ERP29: variants seen among roughly 807,000 people sequenced by gnomAD.
ERP29 encodes endoplasmic reticulum protein 29, also known as endoplasmic reticulum resident protein 29.
Under a neutral mutation model 21.7 loss-of-function variants are expected in ERP29, and 14 were observed. The observed-to-expected ratio is 0.64, with a 90% CI of 0.43 to 1.01. ERP29 has a LOEUF of 1.01. Among genes scored for constraint, ERP29 ranks in the 50% least tolerant of loss-of-function variants. The probability of loss-of-function intolerance (pLI) is 0.00; values close to 1 mark genes in which losing one functional copy is unlikely to be tolerated. For missense variants in ERP29, 286 were observed against 327.3 expected (o/e 0.87, Z 0.97); for synonymous variants, 129 against 139.1 (o/e 0.93, Z 0.51).
At chr12:112,013,661 A>G (rs1441381419) in intron 1 of ERP29, 52 bp downstream of exon 1, 1 of 1,489,170 alleles carries the variant, frequency 6.7e-7, no homozygotes. Flanking sequence ...CGCCCGGAAG[A>G]GCGCGCGCCC....
intron 2 of ERP29, 32 bp from the exon 3 acceptor site, chr12:112,022,117 GT>G: frequency 6.2e-7 from 1 of 1,610,588 alleles, no homozygotes; most frequent in Non-Finnish European, 8.5e-7. Context: ...GTTCCTTATG[GT>G]CTTGCTTTTT....
intron 2 of ERP29, among the ~76,000 whole-genome samples, chr12:112,020,965 C>A (rs975898118): frequency 1.3e-5 from 2 of 152,198 alleles, no homozygotes; most frequent in African/African-American, 4.8e-5. Flanking sequence ...AGTACTACCA[C>A]TACTAGTAGT....
intron 1 of ERP29, among the ~76,000 whole-genome samples, chr12:112,017,783 C>CTTTTTT (rs1179680378): frequency 4.8e-5 from 6 of 124,134 alleles, no homozygotes; most frequent in Non-Finnish European, 8.3e-5. Context: ...CTTTTTTTTT[C>CTTTTTT]TTTTTTTTTT....
chr12:112,022,396 G>A lies in ERP29; in HGVS notation c.530G>A (p.Arg177His), dbSNP rs367904459. ...EFIRASGVEA[R>H]QALLKQGQDN... is the part of the protein sequence containing the mutation. ...ATCAGGGCCTCTGGTGTGGAGGCCC[G>A]CCAGGCCCTCTTGAAGCAGGGGCAA... is the stretch of plus-strand genomic sequence containing the variant. Residue 177 changes from arginine to histidine, a missense_variant, in exon 3 of 3, where the codon CGC becomes CAC. By Grantham distance (29) the Arg-to-His change is conservative. Coordinates refer to ENST00000261735, the MANE Select transcript of ERP29 (RefSeq NM_006817.4). The A allele has an allele frequency of 1.2e-5, 20 of 1,614,034 alleles. No individual in the cohort carries two copies. The highest frequency in any genetic ancestry group is 2.7e-5 in the African/African-American group (2 of 74,912).
chr12:112,019,504 G>A (rs1007787549), intron 1 of ERP29: 1 of 508,452 alleles, frequency 2.0e-6, no homozygotes, highest in Middle Eastern at 5.5e-4. Flanking sequence ...CTGCAGCCTT[G>A]TTTATTCTGG....
chr12:112,022,702 G>A lies in ERP29; in HGVS notation c.*50G>A. On this transcript the variant is annotated 3_prime_UTR_variant, in exon 3 of 3. Transcript: ENST00000261735. The stretch of plus-strand genomic sequence containing the variant: ...GTTTGGTGGGGGTAGGGAGGGGAGA[G>A]TTAACCTGCTGGCTGTGAGTCCCTT... The A allele has an allele frequency of 6.5e-7, 1 of 1,537,920 alleles. No individual in the cohort carries two copies. The highest frequency in any genetic ancestry group is 8.7e-7 in the Non-Finnish European group (1 of 1,144,824).
At position 112,013,476 on chromosome 12, in the gene ERP29, C is replaced by T. The variant is rs1460610600; in HGVS notation, c.11C>T (p.Ala4Val). MAA[A>V]VPRAAFLSPL... ...CAGGAACCCGGCGATATGGCTGCCG[C>T]TGTGCCCCGCGCCGCATTTCTCTCC... The change falls in exon 1 of 3, where the codon GCT becomes GTT. Residue 4 changes from alanine to valine, a missense_variant. Transcript: ENST00000261735. The T allele has an allele frequency of 6.2e-7, 1 of 1,612,226 alleles. No individual in the cohort carries two copies. The highest frequency in any genetic ancestry group is 2.2e-5 in the East Asian group (1 of 44,750).
At chr12:112,016,845 G>A (rs1379339094) in intron 1 of ERP29, among the ~76,000 whole-genome samples, 1 of 151,758 alleles carries the variant, frequency 6.6e-6, no homozygotes, top group African/African-American at 2.4e-5. Flanking sequence ...AGCTGAGATG[G>A]CACCACTGCA....
At position 112,013,868 on chromosome 12, in the gene ERP29, G is replaced by C. The variant is rs2077967570; in HGVS notation, c.144+259G>C. 1.3e-5 allele frequency among the ~76,000 whole-genome samples: 2 copies of C among 152,258 alleles called. 1 individual carries two copies. The highest frequency in any genetic ancestry group is 4.1e-4 in the South Asian group (2 of 4,834). ...CATCCACCCTTGCAAAGATGCAGCC[G>C]AGGGAACTGGGTGCCCCTTCCCTTC... On this transcript the variant is annotated intron_variant, in intron 1 of 2. Transcript: ENST00000261735.
At chr12:112,018,221 C>T (rs768376997) in intron 1 of ERP29, among the ~76,000 whole-genome samples, 5 of 152,030 alleles carry the variant, frequency 3.3e-5, no homozygotes, top group African/African-American at 1.2e-4. Context: ...TCATAGCTCA[C>T]TATAACCTCT....
At chr12:112,021,244 TC>T (rs59289589) in intron 2 of ERP29, among the ~76,000 whole-genome samples, 12,577 of 152,200 alleles carry the variant, frequency 0.083, 1,718 homozygotes, top group East Asian at 0.61. Flanking sequence ...TCCTGAAATT[TC>T]CTGAGCTTAG....
At chr12:112,017,909 C>T (rs552955366) in intron 1 of ERP29, among the ~76,000 whole-genome samples, 11 of 151,390 alleles carry the variant, frequency 7.3e-5, no homozygotes, top group African/African-American at 2.4e-4. Flanking sequence ...CTCAGCCTCC[C>T]GAGTAGATGG....
chr12:112,013,459 C>G lies in ERP29; in HGVS notation c.-7C>G, dbSNP rs1377353453. ...TTACCTACCTCCCTCTGCAGGAACC[C>G]GGCGATATGGCTGCCGCTGTGCCCC... On this transcript the variant is annotated 5_prime_UTR_variant, in exon 1 of 3. Transcript: ENST00000261735. 6.2e-6 allele frequency: 10 copies of G among 1,608,274 alleles called. No homozygotes were observed. Among genetic ancestry groups the G allele is most frequent in the Non-Finnish European group, 8.5e-6 (10 of 1,177,254 alleles).
intron 1 of ERP29, among the ~76,000 whole-genome samples, chr12:112,016,879 G>A (rs957330282): frequency 6.6e-6 from 1 of 151,800 alleles, no homozygotes; most frequent in African/African-American, 2.4e-5. Flanking sequence ...AACAGAGCGA[G>A]ACCCTGCCTC....
In ERP29 at chr12:112,019,913, C is replaced by A; in HGVS notation, c.283+19C>A. On this transcript the variant is annotated intron_variant, in intron 2 of 2. Coordinates refer to ENST00000261735, the MANE Select transcript of ERP29 (RefSeq NM_006817.4). ...ATCTCAGGTATGGACAAGTCCAGGA[C>A]GGCTGGGGGGGCAGAGAGGGAGGAA... The A allele has an allele frequency of 1.2e-6, 2 of 1,613,354 alleles. No individual in the cohort carries two copies. Among genetic ancestry groups the A allele is most frequent in the Non-Finnish European group, 1.7e-6 (2 of 1,179,460 alleles).
At chr12:112,018,567 T>C (rs1193176894) in intron 1 of ERP29, among the ~76,000 whole-genome samples, 3 of 152,232 alleles carry the variant, frequency 2.0e-5, no homozygotes, top group Non-Finnish European at 4.4e-5. Flanking sequence ...TAGATAAAAC[T>C]TGTGCATTGG....
intron 1 of ERP29, among the ~76,000 whole-genome samples, chr12:112,014,140 A>G (rs1164676123): frequency 1.3e-5 from 2 of 152,092 alleles, no homozygotes; most frequent in Non-Finnish European, 2.9e-5. Context: ...GCAAGCGTGA[A>G]GAATAAGCTT....
At chr12:112,021,581 T>C (rs940647416) in intron 2 of ERP29, among the ~76,000 whole-genome samples, 3 of 133,016 alleles carry the variant, frequency 2.3e-5, no homozygotes, top group African/African-American at 8.9e-5. Flanking sequence ...TGGAGTGCGG[T>C]GGTGGGATCT....
In ERP29 at chr12:112,013,514, C is replaced by T. The variant is rs542501885; in HGVS notation, c.49C>T (p.Leu17Phe). Reference sequence around the variant, plus strand: ...CGCATTTCTCTCCCCGCTGCTTCCCCTTCTCCTGGGCTTCCTGCTCCTCTC... The same window carrying T: ...CGCATTTCTCTCCCCGCTGCTTCCCTTTCTCCTGGGCTTCCTGCTCCTCTC... ...RAAFLSPLLP[L>F]LLGFLLLSAP... The change falls in exon 1 of 3, where the codon CTT (leucine) becomes TTT (phenylalanine). Residue 17 changes from leucine to phenylalanine, a missense_variant. Coordinates refer to ENST00000261735, the MANE Select transcript of ERP29 (RefSeq NM_006817.4). 1 of 1,612,674 alleles carries T rather than the reference C, an allele frequency of 6.2e-7. No homozygotes were observed. The highest frequency in any genetic ancestry group is 1.3e-5 in the African/African-American group (1 of 74,948).
Sources: gnomAD v4.1 joint callset for allele counts (sites outside exome capture counted in the v4.1 genomes callset) on GRCh38, gnomAD v4.1.1 for gene constraint, MANE v1.5 for transcripts, NCBI Gene and HGNC (gene_info 2026-07-23, HGNC 2026-07-21) for gene names.